Variants in APP observed in about 807,000 individuals in gnomAD.
The protein encoded by APP is amyloid-beta precursor protein.
Under a neutral mutation model 101.4 loss-of-function variants are expected in APP, and 31 were observed. That is an observed-to-expected ratio of 0.31 (90% CI 0.23 to 0.41). The LOEUF is 0.41. APP is among the 10% of genes least tolerant of loss of function. The probability of loss-of-function intolerance (pLI) is 1.00; values close to 1 mark genes in which losing one functional copy is unlikely to be tolerated. For missense variants in APP, 839 were observed against 1,003.7 expected, an observed-to-expected ratio of 0.84 and a Z score of 2.22; for synonymous variants, 366 against 364.4, an observed-to-expected ratio of 1.00 and a Z score of -0.05.
At chr21:26,039,336 G>A (rs1370215392) in intron 5 of APP, among the ~76,000 whole-genome samples, 2 of 152,180 alleles carry the variant, frequency 1.3e-5, no homozygotes. Context: ...CTGGCAATTA[G>A]GTCACTAAGC....
chr21:26,004,671 A>G (rs2043445445), intron 6 of APP, among the ~76,000 whole-genome samples: 1 of 151,854 alleles, frequency 6.6e-6, no homozygotes, highest in Non-Finnish European at 1.5e-5. Context: ...TTTTTATTAT[A>G]CTTTAAGTTC....
At position 25,891,653 on chromosome 21, in the gene APP, C is replaced by G; in HGVS notation, c.2211+69G>C. 1.1e-5 allele frequency: 16 copies of G among 1,514,422 alleles called. 1 individual carries two copies. The highest frequency in any genetic ancestry group is 6.7e-5 in the Admixed American group (4 of 59,906). The allele number at this position is 1,514,422 out of a possible 1,614,324, so 93.8% of individuals were successfully genotyped here. On this transcript the variant is annotated intron_variant, in intron 17 of 17. Coordinates refer to ENST00000346798, the MANE Select transcript of APP (RefSeq NM_000484.4). ...AAAGAGATACTTAGCTAGTTCTTAG[C>G]AAAAAGCTAAGCCTAATTCTCTCAT...
intron 11 of APP, among the ~76,000 whole-genome samples, chr21:25,964,005 T>C (rs2146525576): frequency 6.6e-6 from 1 of 152,330 alleles, no homozygotes; most frequent in African/African-American, 2.4e-5. Flanking sequence ...TCTCCCCCTT[T>C]GGTGTTTCTT....
rs538516687 is a variant in APP at position 25,972,649 on chromosome 21, T to C, written c.1458+2421A>G. Among the ~76,000 whole-genome samples, 19 of 151,392 alleles carry C rather than the reference T, an allele frequency of 1.3e-4. No homozygotes were observed. The East Asian group carries it at 3.3e-3, about 26-fold the overall frequency. On this transcript the variant is annotated intron_variant, in intron 11 of 17. Coordinates refer to ENST00000346798, the MANE Select transcript of APP (RefSeq NM_000484.4). ...ACTCCTGGGTTCAAGTGATCTCCTA[T>C]CTCAACCTCCTGAGTTGCTGGGATT...
At chr21:25,905,150 T>C (rs2038723478) in intron 14 of APP, 73 bp from the exon 15 acceptor site, 3 of 1,314,234 alleles carry the variant, frequency 2.3e-6, no homozygotes, top group South Asian at 1.2e-5. Flanking sequence ...CTCCCAAACA[T>C]AGTCGAGCAG....
intron 15 of APP, among the ~76,000 whole-genome samples, chr21:25,901,022 G>A (rs935332358): frequency 1.8e-5 from 2 of 110,508 alleles, no homozygotes; most frequent in Non-Finnish European, 3.4e-5. Context: ...CTCTCGGCCA[G>A]GTGCAGTGAC....
intron 13 of APP, chr21:25,934,444 C>CA (rs1555898644): frequency 1.3e-5 from 2 of 151,294 alleles, no homozygotes; most frequent in Non-Finnish European, 3.0e-5. Flanking sequence ...AATGTGGTTT[C>CA]TTTTTTTTTG....
At chr21:26,041,380 G>A (rs2045364872) in intron 5 of APP, among the ~76,000 whole-genome samples, 2 of 152,168 alleles carry the variant, frequency 1.3e-5, no homozygotes, top group Admixed American at 1.3e-4. Context: ...TATTGCCAGA[G>A]ACCAGTTAAA....
intron 13 of APP, among the ~76,000 whole-genome samples, chr21:25,952,390 C>A (rs60244163): frequency 9.6e-6 from 1 of 104,608 alleles, no homozygotes; most frequent in African/African-American, 3.6e-5. Context: ...TTTTTTTTTT[C>A]TTTTTACAGA....
chr21:25,888,467 C>CA (rs1467575178), intron 17 of APP, among the ~76,000 whole-genome samples: 1 of 152,164 alleles, frequency 6.6e-6, no homozygotes, highest in Non-Finnish European at 1.5e-5. Flanking sequence ...GCTGTACAGA[C>CA]ACACTATGGG....
intron 14 of APP, among the ~76,000 whole-genome samples, chr21:25,906,193 A>C (rs1282799528): frequency 2.0e-5 from 3 of 152,268 alleles, no homozygotes; most frequent in African/African-American, 7.2e-5. Context: ...GGAGAAAAAA[A>C]GTGGCAGTAA....
chr21:25,900,173 CT>C (rs1237702737), intron 15 of APP, among the ~76,000 whole-genome samples: 1 of 151,966 alleles, frequency 6.6e-6, no homozygotes, highest in East Asian at 1.9e-4. Flanking sequence ...TTCTATAGCC[CT>C]TTTAAATCTG....
intron 3 of APP, among the ~76,000 whole-genome samples, chr21:26,086,702 T>C (rs1601424337): frequency 6.6e-6 from 1 of 152,204 alleles, no homozygotes; most frequent in Non-Finnish European, 1.5e-5. Flanking sequence ...TACTATAAAG[T>C]AGAAAACATA....
chr21:25,959,425 T>G (rs1301759612), intron 11 of APP, among the ~76,000 whole-genome samples: 1 of 152,184 alleles, frequency 6.6e-6, no homozygotes, highest in Non-Finnish European at 1.5e-5. Context: ...AGGACGAGAC[T>G]CCGTCTCAAA....
chr21:26,079,607 A>G (rs2146071037), intron 3 of APP, among the ~76,000 whole-genome samples: 1 of 152,326 alleles, frequency 6.6e-6, no homozygotes, highest in Admixed American at 6.5e-5. Flanking sequence ...CGGCATTTTT[A>G]TGGCATTTTT....
At chr21:25,890,769 C>G (rs1362833673) in intron 17 of APP, among the ~76,000 whole-genome samples, 1 of 148,874 alleles carries the variant, frequency 6.7e-6, no homozygotes, top group African/African-American at 2.5e-5. Flanking sequence ...GAAATCTGGA[C>G]TCTGAGCTTG....
chr21:26,012,173 C>G (rs2043837308), intron 6 of APP, among the ~76,000 whole-genome samples: 1 of 151,868 alleles, frequency 6.6e-6, no homozygotes, highest in South Asian at 2.1e-4. Context: ...ACAGCCAAAA[C>G]AACAATTTTT....
At chr21:26,029,288 G>A (rs1453745922) in intron 5 of APP, among the ~76,000 whole-genome samples, 1 of 152,116 alleles carries the variant, frequency 6.6e-6, no homozygotes, top group African/African-American at 2.4e-5. Context: ...AAACATGAAT[G>A]GATGCTGGGA....
At chr21:26,031,879 C>G (rs2044844073) in intron 5 of APP, among the ~76,000 whole-genome samples, 2 of 152,126 alleles carry the variant, frequency 1.3e-5, no homozygotes, top group Admixed American at 1.3e-4. Flanking sequence ...TAAGTGGAGC[C>G]CCATTCCTAG....
Sources: gnomAD v4.1 joint callset for allele counts (sites outside exome capture counted in the v4.1 genomes callset) on GRCh38, gnomAD v4.1.1 for gene constraint, MANE v1.5 for transcripts, NCBI Gene and HGNC (gene_info 2026-07-23, HGNC 2026-07-21) for gene names.